GALM: variants seen among roughly 807,000 people sequenced by gnomAD.
GALM encodes the protein galactose mutarotase.
Under a neutral mutation model 37.4 loss-of-function variants are expected in GALM, and 43 were observed. That is an observed-to-expected ratio of 1.15 (90% confidence interval 0.90 to 1.48). GALM has a LOEUF of 1.48. Ranked by LOEUF, GALM falls within the 40% of genes most tolerant of loss-of-function variation. GALM has a pLI of 0.00. For missense variants in GALM, 456 were observed against 419.1 expected, an observed-to-expected ratio of 1.09 and a Z score of -0.77; for synonymous variants, 199 against 170.6, an observed-to-expected ratio of 1.17 and a Z score of -1.30.
intron 4 of GALM, among the ~76,000 whole-genome samples, chr2:38,696,098 T>C (rs190821974): frequency 6.6e-6 from 1 of 152,048 alleles, no homozygotes. Flanking sequence ...ATTGTCACTA[T>C]AACAGTAAAA....
At chr2:38,733,340 T>C (rs1572549280) in intron 6 of GALM, 148 bp from the exon 7 acceptor site, 1 of 720,536 alleles carries the variant, frequency 1.4e-6, no homozygotes, top group East Asian at 2.5e-5. Context: ...TAAAGTTCTT[T>C]ATCTCACTAT....
In GALM at chr2:38,666,278, G is replaced by A. The variant is rs1043263929; in HGVS notation, c.117G>A (p.Thr39=). The change falls in exon 1 of 7, where the codon ACG becomes ACA. Residue 39 remains threonine (T), a synonymous_variant. Coordinates refer to ENST00000272252, the MANE Select transcript of GALM (RefSeq NM_138801.3). ...TGGACATCATCTCCTGGGGCTGCAC[G>A]ATCACAGCCCTAGAGGTCAAAGACA... The part of the protein sequence containing the change: ...LRVDIISWGC[T]ITALEVKDRQ... 5.6e-6 allele frequency: 9 copies of A among 1,613,798 alleles called. No homozygotes were observed. The highest frequency in any genetic ancestry group is 2.2e-5 in the East Asian group (1 of 44,898).
intron 3 of GALM, among the ~76,000 whole-genome samples, chr2:38,683,174 G>T (rs1377833974): frequency 6.6e-6 from 1 of 152,160 alleles, no homozygotes; most frequent in African/African-American, 2.4e-5. Context: ...ATCTGCCAGT[G>T]TGTTCCAATG....
intron 4 of GALM, among the ~76,000 whole-genome samples, chr2:38,726,549 C>A (rs1413917840): frequency 6.6e-6 from 1 of 152,032 alleles, no homozygotes; most frequent in Non-Finnish European, 1.5e-5. Flanking sequence ...TTAATCCCAA[C>A]ACAATGCTGT....
At chr2:38,695,145 G>A (rs868772658) in intron 4 of GALM, among the ~76,000 whole-genome samples, 4 of 151,926 alleles carry the variant, frequency 2.6e-5, no homozygotes, top group African/African-American at 7.2e-5. Context: ...CAAACAGGCC[G>A]GGTGCAGTGT....
At chr2:38,670,591 G>C (rs906958787) in intron 1 of GALM, among the ~76,000 whole-genome samples, 1 of 152,194 alleles carries the variant, frequency 6.6e-6, no homozygotes, top group Admixed American at 6.5e-5. Flanking sequence ...GAAACAAATG[G>C]ATTGTGATGA....
At chr2:38,679,356 CG>C (rs67435994) in intron 2 of GALM, among the ~76,000 whole-genome samples, 16,037 of 151,838 alleles carry the variant, frequency 0.11, 958 homozygotes, top group South Asian at 0.22. Flanking sequence ...AACTCCCCAC[CG>C]CCCCCGACAC....
chr2:38,732,036 T>G, intron 6 of GALM, 127 bp downstream of exon 6: 1 of 865,102 alleles, frequency 1.2e-6, no homozygotes. Flanking sequence ...GGTTTGTTTT[T>G]TGAGACAGAG....
At chr2:38,719,450 CA>C (rs1666332873) in intron 4 of GALM, among the ~76,000 whole-genome samples, 2 of 128,214 alleles carry the variant, frequency 1.6e-5, no homozygotes, top group African/African-American at 2.9e-5. Flanking sequence ...GCCTAGGCAA[CA>C]AAATGAGACT....
intron 4 of GALM, among the ~76,000 whole-genome samples, chr2:38,719,188 C>T (rs1666326821): frequency 6.6e-6 from 1 of 151,766 alleles, no homozygotes; most frequent in Non-Finnish European, 1.5e-5. Flanking sequence ...GATTAGGATC[C>T]TGGCTGGGCG....
At chr2:38,675,443 C>A (rs1665220229) in intron 1 of GALM, among the ~76,000 whole-genome samples, 1 of 151,100 alleles carries the variant, frequency 6.6e-6, no homozygotes, top group African/African-American at 2.4e-5. Flanking sequence ...TTGACATGCC[C>A]AAGATGTTAC....
chr2:38,720,859 T>TGA (rs573613431), intron 4 of GALM, among the ~76,000 whole-genome samples: 2 of 151,554 alleles, frequency 1.3e-5, no homozygotes, highest in South Asian at 2.1e-4. Context: ...GCAAATGTCT[T>TGA]GAGAGAGAGA....
intron 4 of GALM, among the ~76,000 whole-genome samples, chr2:38,702,934 A>T (rs1273233910): frequency 4.3e-4 from 49 of 115,230 alleles, no homozygotes; most frequent in Non-Finnish European, 7.5e-4. Flanking sequence ...TATACTTTTT[A>T]TATATATATA....
At chr2:38,681,025 G>A (rs1403876920) in intron 2 of GALM, among the ~76,000 whole-genome samples, 3 of 151,860 alleles carry the variant, frequency 2.0e-5, no homozygotes, top group Admixed American at 6.6e-5. Context: ...AATCATACTC[G>A]GGAGGCTGAG....
intron 4 of GALM, among the ~76,000 whole-genome samples, chr2:38,691,048 A>G (rs114061568): frequency 4.1e-4 from 63 of 152,322 alleles, no homozygotes; most frequent in Non-Finnish European, 7.1e-4. Context: ...GGGCATGAGT[A>G]AGCTGGCCCA....
intron 1 of GALM, among the ~76,000 whole-genome samples, chr2:38,672,221 G>C (rs1446821343): frequency 6.6e-6 from 1 of 152,182 alleles, no homozygotes; most frequent in Non-Finnish European, 1.5e-5. Context: ...CTCTGGCAGA[G>C]AGCGGGAGCT....
chr2:38,692,602 A>G (rs955866236), intron 4 of GALM, among the ~76,000 whole-genome samples: 6 of 152,282 alleles, frequency 3.9e-5, no homozygotes, highest in South Asian at 2.1e-4. Flanking sequence ...TTTTGAAAGA[A>G]ATCCAAAAGG....
intron 4 of GALM, among the ~76,000 whole-genome samples, chr2:38,704,402 G>C (rs1665994537): frequency 6.6e-6 from 1 of 151,982 alleles, no homozygotes; most frequent in Non-Finnish European, 1.5e-5. Flanking sequence ...GGGCACAGTG[G>C]TTCATGCCTT....
At chr2:38,702,393 CAAAAACA>C (rs1213963881) in intron 4 of GALM, among the ~76,000 whole-genome samples, 2 of 151,666 alleles carry the variant, frequency 1.3e-5, no homozygotes, top group Non-Finnish European at 2.9e-5. Flanking sequence ...GGTCAAAAAA[CAAAAACA>C]AAAATGATCT....
Sources: allele counts gnomAD v4.1 joint callset (sites outside exome capture counted in the v4.1 genomes callset), GRCh38; gene constraint gnomAD v4.1.1; transcripts MANE v1.5; gene names NCBI Gene and HGNC (gene_info 2026-07-23, HGNC 2026-07-21).